The following MYO5B variants were observed in gnomAD, a reference collection of about 807,000 sequenced individuals.
The protein encoded by MYO5B is unconventional myosin-Vb.
In MYO5B, 143 loss-of-function variants were observed where a neutral mutation model predicts 229.3. The observed-to-expected ratio is 0.62, with a 90% confidence interval of 0.54 to 0.72. MYO5B has a LOEUF of 0.72. Ranked by LOEUF, MYO5B falls within the 30% of genes least tolerant of loss-of-function variation. The pLI is 0.00. For synonymous variants in MYO5B, 918 were observed against 885.2 expected (o/e 1.04, Z -0.66); for missense variants, 2,321 against 2,331.0 (o/e 1.00, Z 0.09).
At chr18:50,010,274 T>C (rs991853509) in intron 4 of MYO5B, among the ~76,000 whole-genome samples, 1 of 152,212 alleles carries the variant, frequency 6.6e-6, no homozygotes, top group Admixed American at 6.5e-5. Flanking sequence ...TAGTGTGATA[T>C]AGGCAGCAGC....
intron 28 of MYO5B, 150 bp from the exon 29 acceptor site, chr18:49,863,477 T>C (rs1439679080): frequency 1.1e-5 from 8 of 725,984 alleles, no homozygotes; most frequent in Non-Finnish European, 1.7e-5. Context: ...GCCAGGAACA[T>C]GACTCCAAAA....
At chr18:49,985,252 G>T (rs142992875) in intron 7 of MYO5B, among the ~76,000 whole-genome samples, 9 of 152,308 alleles carry the variant, frequency 5.9e-5, no homozygotes, top group African/African-American at 2.2e-4. Flanking sequence ...GAACAGTGAT[G>T]TGCCCGAGGT....
intron 17 of MYO5B, among the ~76,000 whole-genome samples, chr18:49,925,004 T>A (rs549194481): frequency 2.4e-4 from 37 of 152,362 alleles, no homozygotes; most frequent in African/African-American, 7.7e-4. Context: ...ACTATCTGAA[T>A]GGATCCCTCC....
chr18:50,135,077 C>T (rs147922107), intron 1 of MYO5B, among the ~76,000 whole-genome samples: 242 of 152,280 alleles, frequency 1.6e-3, no homozygotes, highest in African/African-American at 5.3e-3. Context: ...ACATATCAAC[C>T]GGGAAATACA....
At chr18:49,990,728 T>G (rs1465713467) in intron 6 of MYO5B, among the ~76,000 whole-genome samples, 2 of 152,230 alleles carry the variant, frequency 1.3e-5, no homozygotes, top group African/African-American at 4.8e-5. Flanking sequence ...AGGATTTATA[T>G]GTCTTGAATT....
At chr18:49,972,167 A>G (rs778956260) in intron 10 of MYO5B, among the ~76,000 whole-genome samples, 1 of 152,194 alleles carries the variant, frequency 6.6e-6, no homozygotes, top group Non-Finnish European at 1.5e-5. Flanking sequence ...CATCCATGGA[A>G]AACTATTGTT....
chr18:49,897,999 T>C (rs2024799256), intron 21 of MYO5B, among the ~76,000 whole-genome samples: 1 of 152,196 alleles, frequency 6.6e-6, no homozygotes, highest in Non-Finnish European at 1.5e-5. Context: ...TTTAGATACG[T>C]TTAGATACAC....
At chr18:49,837,381 C>A (rs1292586656) in intron 37 of MYO5B, 136 bp downstream of exon 37, 7 of 1,093,792 alleles carry the variant, frequency 6.4e-6, no homozygotes, top group African/African-American at 3.1e-5. Flanking sequence ...GGATTTGAGT[C>A]ACAGACTGAT....
rs2031312858 is a variant in MYO5B, at chr18:50,085,596, C to T, written c.28-30218G>A. ...ACCCAAAGGATTATAAATCATGCTGCTATAAAGACACATGCACACATATGT... is the reference window on the plus strand; with the variant it reads ...ACCCAAAGGATTATAAATCATGCTGTTATAAAGACACATGCACACATATGT... On this transcript the variant is annotated intron_variant, in intron 1 of 39. Transcript: ENST00000285039. Among the ~76,000 whole-genome samples the T allele has an allele frequency of 2.0e-5, 3 of 152,128 alleles. No individual in the cohort carries two copies. In the South Asian group the frequency reaches 6.2e-4, roughly 32 times the overall value.
chr18:50,043,299 A>T lies in MYO5B; in HGVS notation c.139-2985T>A, dbSNP rs57453591. ...ATATTTATATTTATATATTATATAT[A>T]ATATATAATATAAATATATAAAATA... is the stretch of plus-strand genomic sequence containing the variant. On this transcript the variant is annotated intron_variant, in intron 2 of 39. Coordinates refer to ENST00000285039, the MANE Select transcript of MYO5B (RefSeq NM_001080467.3). Among the ~76,000 whole-genome samples, 23 of 113,166 alleles carry T rather than the reference A, an allele frequency of 2.0e-4. 1 individual carries two copies. Among genetic ancestry groups the T allele is most frequent in the African/African-American group, 3.3e-4 (9 of 27,272 alleles). The allele number at this position is 113,166 out of a possible 152,430, so 74.2% of individuals were successfully genotyped here.
rs116315392 is a variant in MYO5B at position 50,004,655 on chromosome 18, G to A, written c.456-3244C>T. Reference sequence around the variant, plus strand: ...GCTGGGCATGTGCCTGTAGTCCCAGGTACTCAGGAGGCTGAGGCAGGAGGA... The same window carrying A: ...GCTGGGCATGTGCCTGTAGTCCCAGATACTCAGGAGGCTGAGGCAGGAGGA... On this transcript the variant is annotated intron_variant, in intron 4 of 39. Transcript: ENST00000285039. 6.1e-3 allele frequency among the ~76,000 whole-genome samples: 931 copies of A among 152,210 alleles called. 17 individuals carry two copies. The highest frequency in any genetic ancestry group is 0.021 in the African/African-American group (891 of 41,516).
rs375916067 is a variant in MYO5B, at chr18:49,875,786, G to A, written c.3438C>T (p.Phe1146=). The stretch of plus-strand genomic sequence containing the variant: ...CCCGTACTCTCTTCTGCAGCTTCAG[G>A]AAGACCGTCATGTCCATGGCTGCCT... ...LEKAAMDMTV[F]LKLQKRVREL... The change falls in exon 26 of 40, where the codon TTC becomes TTT. Residue 1146 remains phenylalanine, a synonymous_variant. Coordinates refer to ENST00000285039, the MANE Select transcript of MYO5B (RefSeq NM_001080467.3). 6.4e-5 allele frequency: 104 copies of A among 1,614,016 alleles called. No homozygotes were observed. The highest frequency in any genetic ancestry group is 8.0e-5 in the Non-Finnish European group (94 of 1,180,020).
intron 4 of MYO5B, among the ~76,000 whole-genome samples, chr18:50,025,495 C>A (rs2026320802): frequency 1.3e-5 from 2 of 152,204 alleles, no homozygotes; most frequent in South Asian, 4.1e-4. Context: ...GCCCTGTGAT[C>A]ATTAAACTCT....
intron 1 of MYO5B, among the ~76,000 whole-genome samples, chr18:50,183,414 C>T (rs1198084829): frequency 6.7e-6 from 1 of 150,140 alleles, no homozygotes; most frequent in Non-Finnish European, 1.5e-5. Context: ...CTCTAAAGCA[C>T]ATTAAATGAT....
chr18:49,911,567 T>C (rs2024958160), intron 18 of MYO5B, among the ~76,000 whole-genome samples: 1 of 152,200 alleles, frequency 6.6e-6, no homozygotes, highest in Admixed American at 6.5e-5. Context: ...ACTTGGGAAG[T>C]CCACAATGTC....
intron 35 of MYO5B, 57 bp from the exon 36 acceptor site, chr18:49,839,351 C>T (rs1249788521): frequency 2.1e-5 from 33 of 1,594,578 alleles, no homozygotes; most frequent in Non-Finnish European, 2.6e-5. Context: ...CCCAGCACAA[C>T]TTCCAGGGCT....
At chr18:50,147,680 G>A (rs988911682) in intron 1 of MYO5B, among the ~76,000 whole-genome samples, 16 of 152,112 alleles carry the variant, frequency 1.1e-4, no homozygotes, top group East Asian at 5.8e-4. Context: ...ATACAAGACC[G>A]TTCCTGAGCC....
intron 32 of MYO5B, among the ~76,000 whole-genome samples, chr18:49,848,292 GGTGGGTGCTGATGAT>G (rs1212402891): frequency 6.6e-6 from 1 of 152,132 alleles, no homozygotes; most frequent in Non-Finnish European, 1.5e-5. Context: ...TGGGATGAAG[GGTGGGTGCTGATGAT>G]GTGGGTGCTG....
chr18:49,985,828 A>G (rs182456252), intron 7 of MYO5B, among the ~76,000 whole-genome samples: 1,800 of 152,302 alleles, frequency 0.012, 14 homozygotes, highest in Non-Finnish European at 0.018. Context: ...ATGCAGCTTC[A>G]CTGCAACTCC....
Sources: allele counts gnomAD v4.1 joint callset (sites outside exome capture counted in the v4.1 genomes callset), GRCh38; gene constraint gnomAD v4.1.1; transcripts MANE v1.5; gene names NCBI Gene and HGNC (gene_info 2026-07-23, HGNC 2026-07-21).